Variants in CHKA observed in about 807,000 individuals in gnomAD.
CHKA encodes CHETK-alpha.
Under a neutral mutation model 60.1 loss-of-function variants are expected in CHKA, and 34 were observed. That is an observed-to-expected ratio of 0.57 (90% CI 0.43 to 0.75). CHKA has a LOEUF of 0.75. Ranked by LOEUF, CHKA falls within the 30% of genes least tolerant of loss-of-function variation. The pLI is 0.00. For synonymous variants in CHKA, 217 were observed against 223.1 expected (o/e 0.97, Z 0.24); for missense variants, 563 against 561.3 (o/e 1.00, Z -0.03).
intron 1 of CHKA, among the ~76,000 whole-genome samples, chr11:68,110,488 T>TTACC (rs1858090492): frequency 6.6e-6 from 1 of 152,130 alleles, no homozygotes; most frequent in South Asian, 2.1e-4. Context: ...TAAAAGCACA[T>TTACC]TACCATTTAT....
chr11:68,109,858 A>T (rs1047026217), intron 1 of CHKA, among the ~76,000 whole-genome samples: 2 of 152,174 alleles, frequency 1.3e-5, no homozygotes, highest in Non-Finnish European at 1.5e-5. Context: ...TGACTGAGGC[A>T]TGAGAATTGC....
intron 1 of CHKA, among the ~76,000 whole-genome samples, chr11:68,116,315 G>A (rs1858380503): frequency 2.6e-5 from 4 of 152,150 alleles, no homozygotes; most frequent in Admixed American, 2.6e-4. Flanking sequence ...GTTTACGCCT[G>A]TAATCCCTGC....
intron 2 of CHKA, 75 bp from the exon 3 acceptor site, chr11:68,081,532 A>C: frequency 8.4e-7 from 1 of 1,191,196 alleles, no homozygotes; most frequent in Non-Finnish European, 1.2e-6. Context: ...CAACCACCAG[A>C]ACAGTCAGGG....
intron 1 of CHKA, among the ~76,000 whole-genome samples, chr11:68,108,850 T>C (rs556486156): frequency 6.6e-6 from 1 of 152,192 alleles, no homozygotes; most frequent in African/African-American, 2.4e-5. Context: ...CTCCACCAAA[T>C]CAGCACTAGG....
intron 7 of CHKA, among the ~76,000 whole-genome samples, chr11:68,068,144 T>C (rs1205385682): frequency 6.6e-6 from 1 of 152,140 alleles, no homozygotes; most frequent in Admixed American, 6.5e-5. Context: ...AAATAATTAA[T>C]AGCACAGTGC....
At chr11:68,088,183 G>C (rs868402510) in intron 2 of CHKA, among the ~76,000 whole-genome samples, 11 of 148,582 alleles carry the variant, frequency 7.4e-5, no homozygotes, top group Non-Finnish European at 1.5e-4. Flanking sequence ...TCTAGGATAT[G>C]TAAATTTTGG....
intron 3 of CHKA, among the ~76,000 whole-genome samples, chr11:68,075,168 G>A (rs1427011177): frequency 1.3e-5 from 2 of 151,992 alleles, no homozygotes; most frequent in East Asian, 1.9e-4. Flanking sequence ...TCTCACCCTT[G>A]GTATCTCACC....
intron 1 of CHKA, among the ~76,000 whole-genome samples, chr11:68,114,174 C>A (rs1464257206): frequency 6.6e-6 from 1 of 152,170 alleles, no homozygotes; most frequent in Non-Finnish European, 1.5e-5. Context: ...CAGTTCCTTA[C>A]AAAACTAAAC....
intron 2 of CHKA, among the ~76,000 whole-genome samples, chr11:68,090,811 AC>A (rs1857327500): frequency 6.6e-6 from 1 of 152,202 alleles, no homozygotes; most frequent in African/African-American, 2.4e-5. Context: ...TGTATTATAA[AC>A]GTTCATGCCT....
intron 4 of CHKA, among the ~76,000 whole-genome samples, chr11:68,071,349 C>T (rs958376900): frequency 6.6e-6 from 1 of 152,198 alleles, no homozygotes; most frequent in Non-Finnish European, 1.5e-5. Flanking sequence ...GGGCCGTCTC[C>T]AGCTGCTCCC....
At position 68,053,944 on chromosome 11, in the gene CHKA, C is replaced by T. The variant is rs758012578; in HGVS notation, c.*44G>A. 4 of 1,581,520 alleles carry T rather than the reference C, an allele frequency of 2.5e-6. No homozygotes were observed. Among genetic ancestry groups the T allele is most frequent in the Admixed American group, 3.4e-5 (2 of 59,384 alleles). ...CAGAGGGGACCCCGCTCTGCTGCCTCCCCATGCAGTCCAGTGATGAGGTGG... is the reference window on the plus strand; with the variant it reads ...CAGAGGGGACCCCGCTCTGCTGCCTTCCCATGCAGTCCAGTGATGAGGTGG... On this transcript the variant is annotated 3_prime_UTR_variant, in exon 12 of 12. Coordinates refer to ENST00000265689, the MANE Select transcript of CHKA (RefSeq NM_001277.3).
chr11:68,099,806 G>T (rs1255423058), intron 1 of CHKA, among the ~76,000 whole-genome samples: 1 of 152,146 alleles, frequency 6.6e-6, no homozygotes, highest in African/African-American at 2.4e-5. Flanking sequence ...CAAATGCAAA[G>T]GCAAACAGAT....
chr11:68,097,654 AT>A (rs1225798459), intron 1 of CHKA, among the ~76,000 whole-genome samples: 3 of 151,012 alleles, frequency 2.0e-5, no homozygotes, highest in Non-Finnish European at 4.4e-5. Flanking sequence ...AAAAAAAAAA[AT>A]CTTGAGGCAA....
At chr11:68,109,714 G>A (rs544201967) in intron 1 of CHKA, among the ~76,000 whole-genome samples, 2 of 152,318 alleles carry the variant, frequency 1.3e-5, no homozygotes, top group South Asian at 4.1e-4. Context: ...CACCTGGGGA[G>A]GCCAAGGCAG....
At chr11:68,057,135 G>A (rs936318351) in intron 11 of CHKA, among the ~76,000 whole-genome samples, 1 of 152,146 alleles carries the variant, frequency 6.6e-6, no homozygotes, top group Non-Finnish European at 1.5e-5. Context: ...TTTGTTGGCG[G>A]GGAGAACCAC....
chr11:68,099,955 T>C (rs1283245824), intron 1 of CHKA, among the ~76,000 whole-genome samples: 1 of 152,214 alleles, frequency 6.6e-6, no homozygotes, highest in Non-Finnish European at 1.5e-5. Context: ...GTAGCCTCTA[T>C]TGTTCAATAG....
intron 1 of CHKA, among the ~76,000 whole-genome samples, chr11:68,113,556 C>T (rs1858261114): frequency 6.6e-6 from 1 of 151,794 alleles, no homozygotes; most frequent in Non-Finnish European, 1.5e-5. Flanking sequence ...ATTAGCCGGG[C>T]ATGGTGGCAG....
chr11:68,094,805 G>A (rs1166968661), intron 2 of CHKA, among the ~76,000 whole-genome samples: 1 of 152,248 alleles, frequency 6.6e-6, no homozygotes, highest in Non-Finnish European at 1.5e-5. Flanking sequence ...GAATAGCTAC[G>A]TACCTTCAAA....
intron 3 of CHKA, 51 bp downstream of exon 3, chr11:68,081,353 G>T: frequency 6.7e-7 from 1 of 1,489,706 alleles, no homozygotes; most frequent in Non-Finnish European, 9.4e-7. Flanking sequence ...GCGAAGGGTG[G>T]CTAACACTAG....
Sources: allele counts gnomAD v4.1 joint callset (sites outside exome capture counted in the v4.1 genomes callset), GRCh38; gene constraint gnomAD v4.1.1; transcripts MANE v1.5; gene names NCBI Gene and HGNC (gene_info 2026-07-23, HGNC 2026-07-21).